Variants in CYP4F22 observed in about 807,000 individuals in gnomAD.
CYP4F22 encodes the protein ultra-long-chain fatty acid omega-hydroxylase.
In CYP4F22, 37 loss-of-function variants were observed where a neutral mutation model predicts 60.4. The ratio of observed to expected loss-of-function variants is 0.61; its 90% CI spans 0.47 to 0.81. The LOEUF is 0.81. CYP4F22 is among the 30% of genes least tolerant of loss of function. CYP4F22 has a pLI of 0.00. For missense variants in CYP4F22, 655 were observed against 715.0 expected, an observed-to-expected ratio of 0.92 and a Z score of 0.96; for synonymous variants, 258 against 280.5, an observed-to-expected ratio of 0.92 and a Z score of 0.80.
intron 1 of CYP4F22, chr19:15,516,039 A>C (rs1971151235): frequency 6.6e-6 from 1 of 152,156 alleles, no homozygotes; most frequent in African/African-American, 2.4e-5. Flanking sequence ...CGGTCTTGAA[A>C]AATAAAAAAG....
chr19:15,515,442 TG>T, intron 1 of CYP4F22: 1 of 1,024,994 alleles, frequency 9.8e-7, no homozygotes, highest in Non-Finnish European at 1.5e-6. Context: ...TCAGTGCAGC[TG>T]GCCAGGCACG....
intron 1 of CYP4F22, among the ~76,000 whole-genome samples, chr19:15,509,515 ACTC>A (rs147367428): frequency 6.6e-6 from 1 of 152,110 alleles, no homozygotes; most frequent in East Asian, 1.9e-4. Flanking sequence ...GCAGCATCAA[ACTC>A]CTTCTTGTGT....
Position 15,537,096 on chromosome 19 carries a change from C to T in CYP4F22, c.368-265C>T, listed in dbSNP as rs541835597. Among the ~76,000 whole-genome samples the T allele has an allele frequency of 4.6e-5, 7 of 152,108 alleles. No homozygotes were observed. In the South Asian group the frequency reaches 1.0e-3, roughly 23 times the overall value. ...GGTGGATCACTTGAGGTTAGGAGTT[C>T]GAGACCAGCCTGGCCAACATGGTGA... On this transcript the variant is annotated intron_variant, in intron 4 of 13. Transcript: ENST00000269703.
chr19:15,509,092 G>A (rs1035511835), intron 1 of CYP4F22, among the ~76,000 whole-genome samples: 6 of 152,158 alleles, frequency 3.9e-5, no homozygotes, highest in African/African-American at 1.4e-4. Context: ...GGAACCCTCT[G>A]CCCATCCATG....
At chr19:15,522,691 A>G (rs756465832) in intron 1 of CYP4F22, among the ~76,000 whole-genome samples, 1 of 151,870 alleles carries the variant, frequency 6.6e-6, no homozygotes, top group African/African-American at 2.4e-5. Flanking sequence ...TCAAAAAGAA[A>G]TTTCACTTCT....
At chr19:15,524,700 A>AAGAAAGAG (rs1555727647) in intron 2 of CYP4F22, among the ~76,000 whole-genome samples, 1 of 147,034 alleles carries the variant, frequency 6.8e-6, no homozygotes, top group Non-Finnish European at 1.5e-5. Flanking sequence ...GAAAGAAAGA[A>AAGAAAGAG]AGAGAGAGAG....
At chr19:15,522,964 G>T (rs1432979609) in intron 1 of CYP4F22, among the ~76,000 whole-genome samples, 2 of 151,738 alleles carry the variant, frequency 1.3e-5, no homozygotes, top group African/African-American at 4.8e-5. Flanking sequence ...GCCCACCTCG[G>T]CCTCCCGAAA....
chr19:15,534,462 T>G (rs1166291142), intron 4 of CYP4F22, among the ~76,000 whole-genome samples: 2 of 151,698 alleles, frequency 1.3e-5, no homozygotes, highest in East Asian at 3.9e-4. Flanking sequence ...TTACCATCTC[T>G]CCCTCTTTTT....
intron 1 of CYP4F22, among the ~76,000 whole-genome samples, chr19:15,518,647 C>CAAAAAAAAAAAAAAAAAAAAAAAAA (rs748509278): frequency 4.3e-5 from 1 of 23,514 alleles, no homozygotes; most frequent in Non-Finnish European, 8.7e-5. Flanking sequence ...GACTTTGTCT[C>CAAAAAAAAAAAAAAAAAAAAAAAAA]AAAAAAAAAA....
chr19:15,525,608 G>A (rs1278079525), intron 3 of CYP4F22, 50 bp downstream of exon 3: 2 of 1,559,448 alleles, frequency 1.3e-6, no homozygotes, highest in Non-Finnish European at 1.7e-6. Flanking sequence ...GCATGTGCAG[G>A]GTAATAGGTA....
intron 1 of CYP4F22, among the ~76,000 whole-genome samples, chr19:15,512,550 C>T (rs1053197848): frequency 6.6e-6 from 1 of 152,136 alleles, no homozygotes; most frequent in African/African-American, 2.4e-5. Flanking sequence ...AAGTGATCCT[C>T]CCTCCTCAGC....
chr19:15,514,222 C>T (rs1325734763), intron 1 of CYP4F22, among the ~76,000 whole-genome samples: 2 of 152,196 alleles, frequency 1.3e-5, no homozygotes, highest in South Asian at 2.1e-4. Context: ...CCATAGGGCA[C>T]GTAATTTGCA....
chr19:15,525,459 G>C lies in CYP4F22; in HGVS notation c.123G>C (p.Arg41=). 1 of 1,614,122 alleles carries C rather than the reference G, an allele frequency of 6.2e-7. No individual in the cohort carries two copies. The highest frequency in any genetic ancestry group is 8.5e-7 in the Non-Finnish European group (1 of 1,180,026). The change falls in exon 3 of 14, where the codon CGG becomes CGC. Residue 41 remains arginine, a synonymous_variant. Coordinates refer to ENST00000269703, the MANE Select transcript of CYP4F22 (RefSeq NM_173483.4). ...LLFFLFRLLL[R]FLRLCRSFYI... ...TCTTCCTGTTCCGCCTGCTGCTGCG[G>C]TTCCTGAGGCTCTGCAGGAGCTTCT...
chr19:15,534,492 A>AT (rs1310787158), intron 4 of CYP4F22, among the ~76,000 whole-genome samples: 1 of 151,114 alleles, frequency 6.6e-6, no homozygotes, highest in Non-Finnish European at 1.5e-5. Context: ...TTTAAAAAAC[A>AT]TTTTTGTAGA....
chr19:15,509,945 CTTTT>C (rs1472172997), intron 1 of CYP4F22, among the ~76,000 whole-genome samples: 7 of 132,776 alleles, frequency 5.3e-5, no homozygotes, highest in Non-Finnish European at 9.5e-5. Flanking sequence ...TTCTTTCTTT[CTTTT>C]CTCTGTCTCT....
chr19:15,529,813 GGT>G lies in CYP4F22; in HGVS notation c.329_330del (p.Val110AlafsTer3). ...MGPVLPLLVL[V>X]HPDYIKPLLG... ...GACCTGTCCTGCCGCTGTTGGTTCT[GGT>G]GCACCCTGATTACATCAAACCCCTT... On this transcript the variant is annotated frameshift_variant, in exon 4 of 14. Transcript: ENST00000269703. LOFTEE classifies it high-confidence loss of function. 6.2e-7 allele frequency: 1 copy of G among 1,614,114 alleles called. No homozygotes were observed. The highest frequency in any genetic ancestry group is 8.5e-7 in the Non-Finnish European group (1 of 1,180,030).
chr19:15,549,554 G>A (rs994265646), intron 12 of CYP4F22, among the ~76,000 whole-genome samples: 1 of 152,184 alleles, frequency 6.6e-6, no homozygotes, highest in African/African-American at 2.4e-5. Context: ...GTTTACAGGT[G>A]CAGTGGCTCA....
intron 10 of CYP4F22, 131 bp downstream of exon 10, chr19:15,544,410 C>T (rs1971499512): frequency 4.5e-6 from 5 of 1,122,004 alleles, no homozygotes; most frequent in Admixed American, 2.1e-5. Context: ...GCAATTTCTT[C>T]AGCTACAAAA....
At chr19:15,529,631 C>CAGG (rs978839175) in intron 3 of CYP4F22, 78 bp from the exon 4 acceptor site, 2 of 1,583,018 alleles carry the variant, frequency 1.3e-6, no homozygotes, top group Non-Finnish European at 1.7e-6. Flanking sequence ...TTTGAGACTA[C>CAGG]AGGAGGTGGC....
Sources: allele counts gnomAD v4.1 joint callset (sites outside exome capture counted in the v4.1 genomes callset), GRCh38; gene constraint gnomAD v4.1.1; transcripts MANE v1.5; gene names NCBI Gene and HGNC (gene_info 2026-07-23, HGNC 2026-07-21).